Variants in DDR2 observed in about 807,000 individuals in gnomAD.
DDR2 encodes the protein discoidin domain-containing receptor 2.
In DDR2, 27 loss-of-function variants were observed where a neutral mutation model predicts 94.9. That is an observed-to-expected ratio of 0.28 (90% CI 0.21 to 0.39). The LOEUF (loss-of-function observed/expected upper bound fraction) is 0.39. Among genes scored for constraint, DDR2 ranks in the 10% least tolerant of loss-of-function variants. DDR2 has a pLI of 1.00. For missense variants in DDR2, 783 were observed against 1,076.0 expected, an observed-to-expected ratio of 0.73 and a Z score of 3.81; for synonymous variants, 382 against 377.2, an observed-to-expected ratio of 1.01 and a Z score of -0.15.
intron 2 of DDR2, among the ~76,000 whole-genome samples, chr1:162,711,470 G>C: frequency 6.6e-6 from 1 of 152,166 alleles, no homozygotes; most frequent in Non-Finnish European, 1.5e-5. Flanking sequence ...TCTTAAAGTG[G>C]GATATACCCC....
intron 3 of DDR2, among the ~76,000 whole-genome samples, chr1:162,723,256 G>A (rs1271316451): frequency 6.6e-6 from 1 of 152,146 alleles, no homozygotes; most frequent in East Asian, 1.9e-4. Flanking sequence ...CCTGGTGGAG[G>A]ATAATGAGTG....
chr1:162,659,794 A>G (rs1658199670), intron 2 of DDR2, among the ~76,000 whole-genome samples: 1 of 152,158 alleles, frequency 6.6e-6, no homozygotes, highest in Non-Finnish European at 1.5e-5. Flanking sequence ...CACTTGGAGC[A>G]AGGATTTTCT....
intron 3 of DDR2, among the ~76,000 whole-genome samples, chr1:162,745,021 A>T (rs1211581814): frequency 6.6e-6 from 1 of 152,314 alleles, no homozygotes; most frequent in East Asian, 1.9e-4. Flanking sequence ...GATTTTGTTG[A>T]TGATAGTCAT....
chr1:162,665,228 T>A (rs777524885), intron 2 of DDR2, among the ~76,000 whole-genome samples: 6 of 152,218 alleles, frequency 3.9e-5, no homozygotes, highest in African/African-American at 1.4e-4. Flanking sequence ...TTAAACATCA[T>A]AAAGTGGATC....
intron 12 of DDR2, 93 bp from the exon 13 acceptor site, chr1:162,771,931 G>A: frequency 7.5e-7 from 1 of 1,335,544 alleles, no homozygotes; most frequent in Admixed American, 2.0e-5. Context: ...GCTTTCACAG[G>A]GGCATGTTTT....
intron 3 of DDR2, among the ~76,000 whole-genome samples, chr1:162,733,894 C>G (rs949856353): frequency 2.6e-5 from 4 of 152,186 alleles, no homozygotes; most frequent in Admixed American, 1.3e-4. Context: ...AATCCCATAC[C>G]ACGTTTTAGT....
In DDR2 at chr1:162,772,206, C is replaced by T. The variant is rs1647266027; in HGVS notation, c.1687C>T (p.Leu563=). The T allele has an allele frequency of 1.2e-6, 2 of 1,614,098 alleles. No individual in the cohort carries two copies. The highest frequency in any genetic ancestry group is 1.7e-6 in the Non-Finnish European group (2 of 1,180,048). ...VAVEEFPRKL[L]TFKEKLGEGQ... Reference sequence around the variant, plus strand: ...TGTGGAGGAGTTCCCCAGGAAACTCCTAACTTTCAAAGAGAAGCTGGGAGA... The same window carrying T: ...TGTGGAGGAGTTCCCCAGGAAACTCTTAACTTTCAAAGAGAAGCTGGGAGA... The change falls in exon 13 of 18, where the codon CTA becomes TTA. Residue 563 remains leucine (L), a synonymous_variant. Transcript: ENST00000367921.
chr1:162,652,377 G>A (rs915388405), intron 1 of DDR2, among the ~76,000 whole-genome samples: 1 of 152,150 alleles, frequency 6.6e-6, no homozygotes, highest in Non-Finnish European at 1.5e-5. Context: ...GGCCTGGTGG[G>A]GAGGAATGTA....
intron 17 of DDR2, 83 bp from the exon 18 acceptor site, chr1:162,780,029 T>G: frequency 1.3e-6 from 2 of 1,598,902 alleles, no homozygotes; most frequent in Middle Eastern, 3.3e-4. Context: ...CAAACCATGA[T>G]GCAAAGATAC....
At chr1:162,730,056 T>TG (rs1661952326) in intron 3 of DDR2, among the ~76,000 whole-genome samples, 10 of 136,736 alleles carry the variant, frequency 7.3e-5, no homozygotes, top group Admixed American at 1.5e-4. Flanking sequence ...TTTTTTTTTT[T>TG]GCAAAAAAAA....
intron 2 of DDR2, among the ~76,000 whole-genome samples, chr1:162,707,081 T>A (rs1660697091): frequency 6.6e-6 from 1 of 152,140 alleles, no homozygotes; most frequent in Non-Finnish European, 1.5e-5. Flanking sequence ...TTTCAGGCTC[T>A]GGGATTCAGG....
At chr1:162,649,542 A>T (rs1000516447) in intron 1 of DDR2, among the ~76,000 whole-genome samples, 3 of 152,192 alleles carry the variant, frequency 2.0e-5, no homozygotes, top group African/African-American at 7.2e-5. Flanking sequence ...AGCTCCTTTC[A>T]AAAGTCTGTC....
intron 3 of DDR2, among the ~76,000 whole-genome samples, chr1:162,734,505 TA>T (rs1662203892): frequency 6.6e-6 from 1 of 152,242 alleles, no homozygotes; most frequent in Non-Finnish European, 1.5e-5. Flanking sequence ...ATTACAAGTC[TA>T]AAAACTGTTA....
intron 3 of DDR2, among the ~76,000 whole-genome samples, chr1:162,724,633 C>T (rs112434254): frequency 1.5e-3 from 235 of 152,262 alleles, no homozygotes; most frequent in African/African-American, 5.3e-3. Flanking sequence ...CCTGGCTTCT[C>T]GTCATTCGTG....
In DDR2 at chr1:162,706,867, A is replaced by G. The variant is rs138952284; in HGVS notation, c.-27-12170A>G. Among the ~76,000 whole-genome samples the G allele has an allele frequency of 7.9e-5, 12 of 152,348 alleles. No homozygotes were observed. In the East Asian group the frequency reaches 2.3e-3, roughly 29 times the overall value. Reference sequence around the variant, plus strand: ...CAGAGGCTGCAAGTTAAAGTAACACAGAAGAGAATGTCCGGCCAGCAATGT... The same window carrying G: ...CAGAGGCTGCAAGTTAAAGTAACACGGAAGAGAATGTCCGGCCAGCAATGT... On this transcript the variant is annotated intron_variant, in intron 2 of 17. Transcript: ENST00000367921.
chr1:162,729,470 G>C (rs961350694), intron 3 of DDR2, among the ~76,000 whole-genome samples: 6 of 149,330 alleles, frequency 4.0e-5, no homozygotes, highest in Non-Finnish European at 8.9e-5. Context: ...ACTAAAATCA[G>C]TGAGGTTTTT....
intron 2 of DDR2, among the ~76,000 whole-genome samples, chr1:162,663,260 A>T (rs1658395722): frequency 6.6e-6 from 1 of 152,164 alleles, no homozygotes; most frequent in African/African-American, 2.4e-5. Flanking sequence ...GACATCTGGC[A>T]GTCAAATATG....
intron 2 of DDR2, among the ~76,000 whole-genome samples, chr1:162,684,517 T>A (rs1038133076): frequency 6.6e-6 from 1 of 152,134 alleles, no homozygotes; most frequent in South Asian, 2.1e-4. Flanking sequence ...GCATGAAGAA[T>A]GGGACTCATT....
intron 1 of DDR2, among the ~76,000 whole-genome samples, chr1:162,649,713 A>G (rs1372966323): frequency 1.3e-5 from 2 of 152,234 alleles, no homozygotes; most frequent in African/African-American, 4.8e-5. Context: ...GGGCACAATT[A>G]CAGTGCTGGG....
Sources: allele counts gnomAD v4.1 joint callset (sites outside exome capture counted in the v4.1 genomes callset), GRCh38; gene constraint gnomAD v4.1.1; transcripts MANE v1.5; gene names NCBI Gene and HGNC (gene_info 2026-07-23, HGNC 2026-07-21).